The following LVRN variants were observed in gnomAD, a reference collection of about 807,000 sequenced individuals.
LVRN encodes the protein laeverin.
In LVRN, 99 loss-of-function variants were observed where a neutral mutation model predicts 111.4. The observed-to-expected ratio is 0.89, with a 90% CI of 0.76 to 1.05. The LOEUF (loss-of-function observed/expected upper bound fraction) is 1.05. LVRN is among the 50% of genes least tolerant of loss of function. LVRN has a pLI of 0.00. For synonymous variants in LVRN, 488 were observed against 449.5 expected, an observed-to-expected ratio of 1.09 and a Z score of -1.08; for missense variants, 1,414 against 1,206.8, an observed-to-expected ratio of 1.17 and a Z score of -2.54.
At chr5:115,982,569 T>A (rs546986896) in intron 1 of LVRN, among the ~76,000 whole-genome samples, 1 of 152,244 alleles carries the variant, frequency 6.6e-6, no homozygotes, top group East Asian at 1.9e-4. Context: ...TGTGCTGTCA[T>A]CAGACTCAGG....
In LVRN at chr5:116,015,323, T is replaced by C; in HGVS notation, c.2522T>C (p.Ile841Thr). Reference sequence around the variant, plus strand: ...TTGGGAAGTGATAAAGAGTGGGACATCTTGTTAAATACTTACACTAATACA... The same window carrying C: ...TTGGGAAGTGATAAAGAGTGGGACACCTTGTTAAATACTTACACTAATACA... ...IALGSDKEWD[I>T]LLNTYTNTTN... is the part of the protein sequence containing the mutation. Residue 841 changes from isoleucine (I) to threonine (T), a missense_variant, in exon 17 of 20, where the codon ATC becomes ACC. Physicochemically the swap from Ile to Thr is moderately conservative, Grantham distance 89 (BLOSUM62 -1). Transcript: ENST00000357872. The C allele has an allele frequency of 6.2e-7, 1 of 1,612,540 alleles. No individual in the cohort carries two copies. The highest frequency in any genetic ancestry group is 8.5e-7 in the Non-Finnish European group (1 of 1,179,348).
intron 19 of LVRN, among the ~76,000 whole-genome samples, chr5:116,023,994 T>C (rs1748809389): frequency 6.6e-6 from 1 of 152,226 alleles, no homozygotes; most frequent in Admixed American, 6.5e-5. Context: ...CATGGATGAA[T>C]ATCAAGGTGA....
intron 7 of LVRN, 53 bp from the exon 8 acceptor site, chr5:116,000,380 A>G (rs920521642): frequency 1.3e-5 from 20 of 1,578,970 alleles, no homozygotes; most frequent in Non-Finnish European, 1.7e-5. Context: ...GGAATGTGTC[A>G]GTATGTGGAT....
chr5:116,010,530 A>G, intron 13 of LVRN: 1 of 611,502 alleles, frequency 1.6e-6, no homozygotes, highest in Non-Finnish European at 3.0e-6. Context: ...AAGACTTTGG[A>G]CACTTGAAAG....
Position 116,000,426 on chromosome 5 carries a change from G to C in LVRN, c.1516-7G>C. The C allele has an allele frequency of 6.2e-7, 1 of 1,613,966 alleles. No homozygotes were observed. The highest frequency in any genetic ancestry group is 2.2e-5 in the East Asian group (1 of 44,872). On this transcript the variant is annotated splice_polypyrimidine_tract_variant and splice_region_variant and intron_variant, in intron 7 of 19. Transcript: ENST00000357872. ...GTTCAAATAATGGACAGCTTCTTTT[G>C]TCCTAGGGAGCGTCTATGGCCCGGA...
chr5:115,966,325 C>A (rs1029975964), intron 1 of LVRN, among the ~76,000 whole-genome samples: 2 of 152,130 alleles, frequency 1.3e-5, no homozygotes, highest in African/African-American at 4.8e-5. Flanking sequence ...TCCTTTAGAC[C>A]TTTCTGACTC....
At chr5:115,990,563 G>T (rs1747963867) in intron 4 of LVRN, among the ~76,000 whole-genome samples, 1 of 151,938 alleles carries the variant, frequency 6.6e-6, no homozygotes, top group Admixed American at 6.6e-5. Flanking sequence ...GTGAACTAAA[G>T]TATTTATTTT....
intron 1 of LVRN, among the ~76,000 whole-genome samples, chr5:115,965,480 A>G (rs1753183368): frequency 6.6e-6 from 1 of 152,208 alleles, no homozygotes; most frequent in African/African-American, 2.4e-5. Context: ...TAATGAGCAA[A>G]AATAAATTAT....
chr5:115,967,624 T>C (rs955251099), intron 1 of LVRN, among the ~76,000 whole-genome samples: 4 of 152,156 alleles, frequency 2.6e-5, no homozygotes, highest in Non-Finnish European at 5.9e-5. Flanking sequence ...TTCTTATATA[T>C]AGCTACTAAA....
At chr5:115,969,365 T>C (rs1753272696) in intron 1 of LVRN, among the ~76,000 whole-genome samples, 1 of 152,230 alleles carries the variant, frequency 6.6e-6, no homozygotes, top group Non-Finnish European at 1.5e-5. Context: ...GAGGTTCTTT[T>C]CATTGTTTTT....
In LVRN at chr5:115,963,227, C is replaced by G. The variant is rs1753128579; in HGVS notation, c.610C>G (p.Leu204Val). 2.5e-6 allele frequency: 4 copies of G among 1,612,776 alleles called. No individual in the cohort carries two copies. The Admixed American group carries it at 5.0e-5, about 20-fold the overall frequency. The change falls in exon 1 of 20, where the codon CTG becomes GTG. Residue 204 changes from leucine to valine, a missense_variant. Coordinates refer to ENST00000357872, the MANE Select transcript of LVRN (RefSeq NM_173800.5). ...CCTGAAACCTGGTAGCAGCTACGAG[C>G]TGCAGCTTAGCTTCTCGGGCCTGGT... ...EPLKPGSSYE[L>V]QLSFSGLVKE...
intron 14 of LVRN, 131 bp downstream of exon 14, chr5:116,011,025 A>AACATGAAACCACATCTTTAAT (rs1385736553): frequency 3.9e-6 from 1 of 253,708 alleles, no homozygotes; most frequent in Non-Finnish European, 6.7e-6. Flanking sequence ...ATATATATAT[A>AACATGAAACCACATCTTTAAT]TGGAAGTATA....
intron 15 of LVRN, 62 bp downstream of exon 15, chr5:116,012,530 A>C (rs1580398025): frequency 1.0e-6 from 1 of 984,674 alleles, no homozygotes; most frequent in East Asian, 2.8e-5. Flanking sequence ...GGCTTCCAGA[A>C]GTAATAAAAT....
At chr5:116,014,987 A>G (rs1409433355) in intron 16 of LVRN, among the ~76,000 whole-genome samples, 5 of 152,132 alleles carry the variant, frequency 3.3e-5, no homozygotes, top group Non-Finnish European at 4.4e-5. Flanking sequence ...CATGATAATC[A>G]GATACAAGAC....
chr5:116,017,907 C>G (rs566589338), intron 18 of LVRN, among the ~76,000 whole-genome samples: 1 of 152,090 alleles, frequency 6.6e-6, no homozygotes, highest in Admixed American at 6.6e-5. Context: ...TTATAACATC[C>G]CTCAGCAGTA....
In LVRN at chr5:115,962,786, G is replaced by C. The variant is rs949974303; in HGVS notation, c.169G>C (p.Glu57Gln). ...ELPGLRDLEA[E>Q]SSPPLRQKPT... ...GCCTGGACTCAGGGACTTGGAAGCC[G>C]AGTCTTCCCCTCCCCTCAGGCAGAA... The change falls in exon 1 of 20, where the codon GAG (glutamate) becomes CAG (glutamine). Residue 57 changes from glutamate to glutamine, a missense_variant. Glu to Gln is a conservative substitution (Grantham distance 29). Coordinates refer to ENST00000357872, the MANE Select transcript of LVRN (RefSeq NM_173800.5). The C allele has an allele frequency of 4.3e-6, 7 of 1,610,848 alleles. No homozygotes were observed. Among genetic ancestry groups the C allele is most frequent in the Non-Finnish European group, 5.9e-6 (7 of 1,178,456 alleles).
intron 1 of LVRN, among the ~76,000 whole-genome samples, chr5:115,968,740 C>G (rs537202998): frequency 6.6e-6 from 1 of 152,114 alleles, no homozygotes; most frequent in Non-Finnish European, 1.5e-5. Flanking sequence ...CTCCTTCTGA[C>G]GGTATAACCC....
At chr5:115,984,339 C>T (rs1747800481) in intron 2 of LVRN, among the ~76,000 whole-genome samples, 1 of 151,932 alleles carries the variant, frequency 6.6e-6, no homozygotes, top group African/African-American at 2.4e-5. Context: ...TGGATTTGGC[C>T]CTCAATCAAG....
intron 18 of LVRN, among the ~76,000 whole-genome samples, chr5:116,016,461 A>T (rs912893683): frequency 1.3e-5 from 2 of 152,220 alleles, no homozygotes; most frequent in Non-Finnish European, 2.9e-5. Flanking sequence ...GAAAGTATTT[A>T]TACTGAATTT....
Sources: gnomAD v4.1 joint callset for allele counts (sites outside exome capture counted in the v4.1 genomes callset) on GRCh38, gnomAD v4.1.1 for gene constraint, MANE v1.5 for transcripts, NCBI Gene and HGNC (gene_info 2026-07-23, HGNC 2026-07-21) for gene names.